Variants in AGAP1 observed in about 807,000 individuals in gnomAD.
AGAP1 encodes the protein ArfGAP with GTPase domain, ankyrin repeat and PH domain 1, also known as arf-GAP with GTPase, ANK repeat and PH domain-containing protein 1.
A neutral mutation model predicts 105.3 loss-of-function variants in AGAP1; 29 were observed. That is an observed-to-expected ratio of 0.28 (90% CI 0.21 to 0.38). The LOEUF (loss-of-function observed/expected upper bound fraction) is 0.38, where lower values mean the gene tolerates loss of function less well. AGAP1 is among the 10% of genes least tolerant of loss of function. The probability of loss-of-function intolerance (pLI) is 1.00; values close to 1 mark genes in which losing one functional copy is unlikely to be tolerated. For missense variants in AGAP1, 998 were observed against 1,165.1 expected, an observed-to-expected ratio of 0.86 and a Z score of 2.09; for synonymous variants, 509 against 485.9, an observed-to-expected ratio of 1.05 and a Z score of -0.63.
chr2:235,827,553 C>T (rs970070484), intron 9 of AGAP1, among the ~76,000 whole-genome samples: 1 of 152,180 alleles, frequency 6.6e-6, no homozygotes, highest in African/African-American at 2.4e-5. Context: ...TTATCAATGA[C>T]TTTTAAAAGT....
rs1396172539 is a variant in AGAP1, at chr2:235,714,546, C to T, written c.223-3011C>T. Among the ~76,000 whole-genome samples, 2 of 151,472 alleles carry T rather than the reference C, an allele frequency of 1.3e-5. No individual in the cohort carries two copies. The highest frequency in any genetic ancestry group is 2.9e-5 in the Non-Finnish European group (2 of 67,908). On this transcript the variant is annotated intron_variant, in intron 2 of 17. Transcript: ENST00000304032. This position sits in a 1 kb window ranked among gnomAD's most constrained non-coding sequence, Gnocchi z 4.1. ...ATTGACTAGAAGGCCAAGCAGGGAG[C>T]GGGCAGATGAGAGGCGGGAGGGTTG... is the stretch of plus-strand genomic sequence containing the variant.
chr2:235,629,729 A>G (rs1017892822), intron 1 of AGAP1, among the ~76,000 whole-genome samples: 39 of 148,524 alleles, frequency 2.6e-4, no homozygotes, highest in Non-Finnish European at 5.1e-4. Context: ...AAAAAAAAAA[A>G]TAGCTGGACG....
chr2:235,846,197 G>A (rs548558885), intron 9 of AGAP1, among the ~76,000 whole-genome samples: 25 of 152,222 alleles, frequency 1.6e-4, no homozygotes, highest in African/African-American at 5.3e-4. Context: ...GGACTCAGAA[G>A]TTACAGAAGA....
intron 1 of AGAP1, among the ~76,000 whole-genome samples, chr2:235,618,296 G>T (rs1004521110): frequency 6.6e-6 from 1 of 152,124 alleles, no homozygotes; most frequent in African/African-American, 2.4e-5. Flanking sequence ...AATTCCAGTA[G>T]GTTTTTGTAG....
rs568781897 is a variant in AGAP1 at position 236,092,639 on chromosome 2, G to T, written c.2115-27553G>T. The stretch of plus-strand genomic sequence containing the variant: ...GATCTCCTGACCTCATGATCCACCC[G>T]CCTTGGCCTCCCAAAGTGCTGGGAT... On this transcript the variant is annotated intron_variant, in intron 16 of 17. Transcript: ENST00000304032. This position sits in a 1 kb window ranked among gnomAD's most constrained non-coding sequence, Gnocchi z 4.7. Among the ~76,000 whole-genome samples the T allele has an allele frequency of 1.3e-5, 2 of 152,110 alleles. No homozygotes were observed. Among genetic ancestry groups the T allele is most frequent in the African/African-American group, 4.8e-5 (2 of 41,420 alleles).
chr2:235,781,453 T>C (rs1193252859), intron 6 of AGAP1, among the ~76,000 whole-genome samples: 1 of 152,252 alleles, frequency 6.6e-6, no homozygotes, highest in Non-Finnish European at 1.5e-5. Flanking sequence ...CTTAGATGTT[T>C]TGTAAGATTT....
At chr2:236,108,639 A>G (rs2059565028) in intron 16 of AGAP1, among the ~76,000 whole-genome samples, 1 of 152,188 alleles carries the variant, frequency 6.6e-6, no homozygotes, top group Non-Finnish European at 1.5e-5. Context: ...TCCAATAAAA[A>G]TGAGCACATT....
rs541240042 is a variant in AGAP1, at chr2:235,608,897, T to G, written c.164-100282T>G. ...GACCCACTTTTGACCGTAAAACCTT[T>G]CAGCTTGTTCTTGACTTCCCCCCCA... is the stretch of plus-strand genomic sequence containing the variant. On this transcript the variant is annotated intron_variant, in intron 1 of 17. Transcript: ENST00000304032. The surrounding 1 kb of genome is among the most constrained non-coding windows in gnomAD (Gnocchi z 5.4). 2.0e-5 allele frequency among the ~76,000 whole-genome samples: 3 copies of G among 152,260 alleles called. No homozygotes were observed. The East Asian group carries it at 5.8e-4, about 29-fold the overall frequency.
rs187568119 is a variant in AGAP1 at position 236,052,017 on chromosome 2, G to A, written c.2114+2736G>A. ...ATGACGTGAGAAGATTCTGCCTTTCGAAGCCACCCCCGCTCCCTCTGCCCC... is the reference window on the plus strand; with the variant it reads ...ATGACGTGAGAAGATTCTGCCTTTCAAAGCCACCCCCGCTCCCTCTGCCCC... On this transcript the variant is annotated intron_variant, in intron 16 of 17. Coordinates refer to ENST00000304032, the MANE Select transcript of AGAP1 (RefSeq NM_001037131.3). Among the ~76,000 whole-genome samples the A allele has an allele frequency of 7.2e-5, 11 of 152,218 alleles. No individual in the cohort carries two copies. In the East Asian group the frequency reaches 2.1e-3, roughly 29 times the overall value.
At position 235,879,696 on chromosome 2, in the gene AGAP1, G is replaced by A. The variant is rs1217122543; in HGVS notation, c.1051-3649G>A. ...TACCCCAGCACTTCTGGGAAGCCAT[G>A]GTGGGAGGATTGCTTGAGCCCAGGA... On this transcript the variant is annotated intron_variant, in intron 9 of 17. Coordinates refer to ENST00000304032, the MANE Select transcript of AGAP1 (RefSeq NM_001037131.3). The surrounding 1 kb of genome is among the most constrained non-coding windows in gnomAD (Gnocchi z 5.0). Among the ~76,000 whole-genome samples, 1 of 152,248 alleles carries A rather than the reference G, an allele frequency of 6.6e-6. No individual in the cohort carries two copies. The highest frequency in any genetic ancestry group is 6.5e-5 in the Admixed American group (1 of 15,296).
At chr2:235,651,835 A>C (rs990209484) in intron 1 of AGAP1, among the ~76,000 whole-genome samples, 1 of 152,164 alleles carries the variant, frequency 6.6e-6, no homozygotes, top group Non-Finnish European at 1.5e-5. Flanking sequence ...TTATATTTAT[A>C]CTCGTATCTT....
intron 1 of AGAP1, among the ~76,000 whole-genome samples, chr2:235,589,189 GTTTTGTTTTTTTTTTTTTTT>G (rs1945237083): frequency 1.8e-5 from 1 of 54,926 alleles, no homozygotes; most frequent in Non-Finnish European, 4.3e-5. Context: ...ATAGCTTATT[GTTTTGTTTTTTTTTTTTTTT>G]TTTTTTTTTT....
intron 1 of AGAP1, among the ~76,000 whole-genome samples, chr2:235,501,934 C>G (rs1340987286): frequency 6.6e-6 from 1 of 152,150 alleles, no homozygotes; most frequent in Non-Finnish European, 1.5e-5. Context: ...GTACCTTTCT[C>G]CGAGAAACAA....
At chr2:235,682,797 C>CGTTTGTGTGT (rs1553604616) in intron 1 of AGAP1, among the ~76,000 whole-genome samples, 4 of 149,462 alleles carry the variant, frequency 2.7e-5, no homozygotes, top group African/African-American at 1.0e-4. Context: ...TGTGTGCACA[C>CGTTTGTGTGT]GTGTGTGTGT....
At position 236,055,733 on chromosome 2, in the gene AGAP1, C is replaced by A. The variant is rs948349024; in HGVS notation, c.2114+6452C>A. Among the ~76,000 whole-genome samples, 7 of 152,234 alleles carry A rather than the reference C, an allele frequency of 4.6e-5. No homozygotes were observed. Among genetic ancestry groups the A allele is most frequent in the Non-Finnish European group, 1.0e-4 (7 of 68,046 alleles). The stretch of plus-strand genomic sequence containing the variant: ...ACATTTACTACCAATAAAGTTTATA[C>A]ATCCTCGGCTATGCAAACGCAACAG... On this transcript the variant is annotated intron_variant, in intron 16 of 17. Coordinates refer to ENST00000304032, the MANE Select transcript of AGAP1 (RefSeq NM_001037131.3). The surrounding 1 kb of genome is among the most constrained non-coding windows in gnomAD (Gnocchi z 6.2).
At chr2:235,821,592 A>G (rs1304892035) in intron 9 of AGAP1, among the ~76,000 whole-genome samples, 1 of 152,176 alleles carries the variant, frequency 6.6e-6, no homozygotes, top group East Asian at 1.9e-4. Context: ...TTTGCAAAAA[A>G]TAATACAAAG....
chr2:235,916,680 A>G (rs890744212), intron 11 of AGAP1, among the ~76,000 whole-genome samples: 1 of 152,238 alleles, frequency 6.6e-6, no homozygotes, highest in Non-Finnish European at 1.5e-5. Flanking sequence ...AGAAGAACAC[A>G]CGGCATTCCT....
rs1444991012 is a variant in AGAP1, at chr2:235,635,651, A to G, written c.164-73528A>G. Among the ~76,000 whole-genome samples, 2 of 152,056 alleles carry G rather than the reference A, an allele frequency of 1.3e-5. No individual in the cohort carries two copies. The highest frequency in any genetic ancestry group is 2.9e-5 in the Non-Finnish European group (2 of 68,022). ...TTCTAGGGAGGCATCAGAGTTAGCCATGGCACCTTCTCCAAAGCTGCCTCG... is the reference window on the plus strand; with the variant it reads ...TTCTAGGGAGGCATCAGAGTTAGCCGTGGCACCTTCTCCAAAGCTGCCTCG... On this transcript the variant is annotated intron_variant, in intron 1 of 17. Transcript: ENST00000304032. The surrounding 1 kb of genome is among the most constrained non-coding windows in gnomAD (Gnocchi z 5.3).
At chr2:235,898,574 A>G (rs2050919390) in intron 10 of AGAP1, among the ~76,000 whole-genome samples, 1 of 149,628 alleles carries the variant, frequency 6.7e-6, no homozygotes, top group South Asian at 2.1e-4. Flanking sequence ...TCAAGTGGGA[A>G]CAACACCTTT....
Sources: gnomAD v4.1 joint callset for allele counts (sites outside exome capture counted in the v4.1 genomes callset) on GRCh38, gnomAD v4.1.1 for gene constraint, Gnocchi (gnomAD v3.1) non-coding constraint, MANE v1.5 for transcripts, NCBI Gene and HGNC (gene_info 2026-07-23, HGNC 2026-07-21) for gene names.